RBFOX1: variants seen among roughly 807,000 people sequenced by gnomAD.
The protein encoded by RBFOX1 is RNA binding protein fox-1 homolog 1.
In RBFOX1, 8 loss-of-function variants were observed where a neutral mutation model predicts 57.7. The ratio of observed to expected loss-of-function variants is 0.14; its 90% CI spans 0.08 to 0.25. The LOEUF (loss-of-function observed/expected upper bound fraction) is 0.25. RBFOX1 is among the 10% of genes least tolerant of loss of function. The pLI is 1.00. For synonymous variants in RBFOX1, 326 were observed against 222.4 expected (o/e 1.47, Z -4.15); for missense variants, 611 against 548.5 (o/e 1.11, Z -1.14).
rs1358796683 is a variant in RBFOX1, at chr16:6,688,182, G to GA, written c.-16+33543dup. Among the ~76,000 whole-genome samples the GA allele has an allele frequency of 3.7e-3, 544 of 145,942 alleles. 6 individuals carry two copies. The highest frequency in any genetic ancestry group is 0.011 in the African/African-American group (449 of 39,960). On this transcript the variant is annotated intron_variant, in intron 3 of 15. Coordinates refer to ENST00000550418, the MANE Select transcript of RBFOX1 (RefSeq NM_018723.4). ...TTTCAGAAGACTTTCAGTCATGGTG[G>GA]AAAAAAAAAAAGAGAAGCAGGCGTG...
chr16:6,382,002 C>G (rs1415216298), intron 2 of RBFOX1, among the ~76,000 whole-genome samples: 1 of 152,218 alleles, frequency 6.6e-6, no homozygotes, highest in Non-Finnish European at 1.5e-5. Context: ...GGAAATATTT[C>G]AGGCCTTTTG....
At chr16:7,648,935 G>GTGAAAA in intron 11 of RBFOX1, among the ~76,000 whole-genome samples, 1 of 152,274 alleles carries the variant, frequency 6.6e-6, no homozygotes, top group Non-Finnish European at 1.5e-5. Flanking sequence ...TTCCGAGACA[G>GTGAAAA]TGAAAAACGT....
At chr16:6,225,592 T>G (rs538991939) in intron 1 of RBFOX1, among the ~76,000 whole-genome samples, 31 of 152,312 alleles carry the variant, frequency 2.0e-4, no homozygotes, top group African/African-American at 7.2e-4. Context: ...AAATTTACTT[T>G]AACTTCTGCC....
chr16:5,258,908 C>G (rs1485244095), intron 1 of RBFOX1, among the ~76,000 whole-genome samples: 1 of 150,778 alleles, frequency 6.6e-6, no homozygotes, highest in Non-Finnish European at 1.5e-5. Context: ...AAGAACGAAT[C>G]TCTGAAAAAA....
At chr16:6,112,266 T>C (rs2096454973) in intron 1 of RBFOX1, among the ~76,000 whole-genome samples, 1 of 152,198 alleles carries the variant, frequency 6.6e-6, no homozygotes, top group African/African-American at 2.4e-5. Context: ...GTCTGGAATC[T>C]TGTCAGTGTT....
chr16:7,568,862 G>C lies in RBFOX1; in HGVS notation c.271-10915G>C, dbSNP rs191611516. Among the ~76,000 whole-genome samples, 590 of 140,774 alleles carry C rather than the reference G, an allele frequency of 4.2e-3. 6 individuals carry two copies. Among genetic ancestry groups the C allele is most frequent in the African/African-American group, 0.015 (555 of 37,844 alleles). The allele number at this position is 140,774 out of a possible 152,430, so 92.4% of individuals were successfully genotyped here. A position where few individuals can be genotyped will look rare whatever the true frequency, so the allele number is the denominator to read the frequency against. On this transcript the variant is annotated intron_variant, in intron 5 of 15. Coordinates refer to ENST00000550418, the MANE Select transcript of RBFOX1 (RefSeq NM_018723.4). ...AGATCACGCCACTGCACTCCAGCCT[G>C]GGTGATAGAGACTCTGTCTCAAAAA...
intron 1 of RBFOX1, among the ~76,000 whole-genome samples, chr16:6,277,685 A>T (rs2075970331): frequency 1.5e-5 from 2 of 133,830 alleles, no homozygotes; most frequent in South Asian, 4.9e-4. Flanking sequence ...AAAAAAAAAA[A>T]ATGTCCATTT....
At chr16:6,974,803 C>G (rs975101286) in intron 3 of RBFOX1, among the ~76,000 whole-genome samples, 1 of 152,116 alleles carries the variant, frequency 6.6e-6, no homozygotes. Flanking sequence ...ATGAAGTTTG[C>G]CAGTCACTCC....
At chr16:7,446,409 G>T (rs2042450149) in intron 4 of RBFOX1, among the ~76,000 whole-genome samples, 2 of 152,196 alleles carry the variant, frequency 1.3e-5, no homozygotes, top group South Asian at 4.1e-4. Context: ...TGATTTTCTA[G>T]TATAACTAGA....
chr16:7,118,636 G>C (rs1470598056), intron 4 of RBFOX1, among the ~76,000 whole-genome samples: 1 of 152,058 alleles, frequency 6.6e-6, no homozygotes, highest in African/African-American at 2.4e-5. Context: ...TATCACCTCT[G>C]TCATATTCCA....
At chr16:7,171,173 G>A (rs549006905) in intron 4 of RBFOX1, among the ~76,000 whole-genome samples, 77 of 152,262 alleles carry the variant, frequency 5.1e-4, no homozygotes, top group South Asian at 4.2e-3. Context: ...GGCAATTGGC[G>A]AGGAGCTGCA....
intron 3 of RBFOX1, among the ~76,000 whole-genome samples, chr16:6,930,057 G>C (rs2076254751): frequency 1.3e-5 from 2 of 152,102 alleles, no homozygotes; most frequent in Non-Finnish European, 2.9e-5. Flanking sequence ...CTCTCCCATA[G>C]CAAACCAGCC....
chr16:6,629,416 A>T (rs763669292), intron 2 of RBFOX1, among the ~76,000 whole-genome samples: 14 of 152,244 alleles, frequency 9.2e-5, no homozygotes, highest in Non-Finnish European at 1.6e-4. Flanking sequence ...ACAATTTTTC[A>T]AAGTCAGCCT....
At chr16:6,820,092 TAGTG>T (rs1257142199) in intron 3 of RBFOX1, among the ~76,000 whole-genome samples, 8 of 152,160 alleles carry the variant, frequency 5.3e-5, no homozygotes, top group South Asian at 2.1e-4. Flanking sequence ...TTTCTCATAA[TAGTG>T]AGTAAGTCTC....
chr16:6,294,650 C>A (rs918654261), intron 1 of RBFOX1, among the ~76,000 whole-genome samples: 2 of 152,162 alleles, frequency 1.3e-5, no homozygotes, highest in Non-Finnish European at 2.9e-5. Context: ...ACTAAAGTAA[C>A]TGGATGATGA....
intron 2 of RBFOX1, among the ~76,000 whole-genome samples, chr16:6,635,704 T>A (rs531483357): frequency 9.2e-5 from 14 of 152,296 alleles, no homozygotes; most frequent in African/African-American, 3.4e-4. Flanking sequence ...TTCAAAATTA[T>A]TTTTGGAAAA....
rs2088863429 is a variant in RBFOX1, at chr16:6,812,281, T to G, written c.-16+157631T>G. Reference sequence around the variant, plus strand: ...TGTTCAAAATGAAAGTATCTCCCTTTAGACCAAGCTAGGACGGTCTACTAA... The same window carrying G: ...TGTTCAAAATGAAAGTATCTCCCTTGAGACCAAGCTAGGACGGTCTACTAA... On this transcript the variant is annotated intron_variant, in intron 3 of 15. Transcript: ENST00000550418. Among the ~76,000 whole-genome samples, 11 of 152,332 alleles carry G rather than the reference T, an allele frequency of 7.2e-5. No homozygotes were observed. In the South Asian group the frequency reaches 2.3e-3, roughly 32 times the overall value.
At chr16:5,646,856 A>G (rs1261256988) in intron 3 of RBFOX1, among the ~76,000 whole-genome samples, 1 of 151,912 alleles carries the variant, frequency 6.6e-6, no homozygotes, top group East Asian at 1.9e-4. Context: ...GATGGTCTCA[A>G]TCTCTTGACC....
chr16:7,531,093 G>A (rs928541459), intron 5 of RBFOX1, among the ~76,000 whole-genome samples: 4 of 152,146 alleles, frequency 2.6e-5, no homozygotes, highest in African/African-American at 9.7e-5. Flanking sequence ...AGGCTTAAAT[G>A]TTGCAGATTT....
Sources: gnomAD v4.1 joint callset for allele counts (sites outside exome capture counted in the v4.1 genomes callset) on GRCh38, gnomAD v4.1.1 for gene constraint, MANE v1.5 for transcripts, NCBI Gene and HGNC (gene_info 2026-07-23, HGNC 2026-07-21) for gene names.